The following TMIGD3 variants were observed in gnomAD, a reference collection of about 807,000 sequenced individuals.
TMIGD3 encodes transmembrane and immunoglobulin domain containing 3, also known as AD026 protein (AD026).
TMIGD3 carries 21 observed loss-of-function variants against 28.1 expected under a neutral mutation model. That is an observed-to-expected ratio of 0.75 (90% CI 0.53 to 1.08). TMIGD3 has a LOEUF of 1.08. Ranked by LOEUF, TMIGD3 falls within the 50% of genes least tolerant of loss-of-function variation. The pLI is 0.00. For missense variants in TMIGD3, 416 were observed against 435.6 expected (o/e 0.96, Z 0.40); for synonymous variants, 151 against 162.1 (o/e 0.93, Z 0.52).
Position 111,503,210 on chromosome 1 carries a change from A to C in TMIGD3, c.145T>G (p.Tyr49Asp), listed in dbSNP as rs374292361. 6.2e-7 allele frequency: 1 copy of C among 1,614,142 alleles called. No homozygotes were observed. The highest frequency in any genetic ancestry group is 8.5e-7 in the Non-Finnish European group (1 of 1,180,048). Residue 49 changes from tyrosine to aspartate, a missense_variant, in exon 1 of 6, where the codon TAT becomes GAT. Physicochemically the swap from Tyr to Asp is radical, Grantham distance 160 (BLOSUM62 -3). Coordinates refer to ENST00000369716, the MANE Select transcript of TMIGD3 (RefSeq NM_020683.7). ...GCCAGGGCTAGAGAGACAATGAAAT[A>C]GAAGGTGGTGGTCTGCAGGCTGGGG... ...LNPSLQTTTF[Y>D]FIVSLALADI...
intron 1 of TMIGD3, among the ~76,000 whole-genome samples, chr1:111,551,466 A>G (rs1306125558): frequency 2.6e-5 from 4 of 152,168 alleles, no homozygotes; most frequent in Admixed American, 6.5e-5. Context: ...ATTTATAACA[A>G]TGTAATTAGG....
intron 1 of TMIGD3, among the ~76,000 whole-genome samples, chr1:111,509,198 G>C (rs1214331485): frequency 6.6e-6 from 1 of 152,174 alleles, no homozygotes; most frequent in African/African-American, 2.4e-5. Flanking sequence ...GCCAGTAGGG[G>C]GTTGCAGTGG....
intron 1 of TMIGD3, among the ~76,000 whole-genome samples, chr1:111,511,000 T>G (rs1655670738): frequency 6.6e-6 from 1 of 152,192 alleles, no homozygotes; most frequent in Non-Finnish European, 1.5e-5. Context: ...AGGAAATGCT[T>G]CCTTAGGAAT....
chr1:111,549,585 G>A (rs1657176878), intron 1 of TMIGD3, among the ~76,000 whole-genome samples: 1 of 151,442 alleles, frequency 6.6e-6, no homozygotes, highest in Non-Finnish European at 1.5e-5. Flanking sequence ...AGGAGGCGGA[G>A]GTTGTGGTGA....
intron 3 of TMIGD3, 37 bp downstream of exon 3, chr1:111,488,640 G>A (rs775571307): frequency 6.4e-7 from 1 of 1,553,970 alleles, no homozygotes; most frequent in African/African-American, 1.4e-5. Flanking sequence ...CCATGGCTGT[G>A]GGTTACATCC....
At chr1:111,543,062 T>G (rs1211653207) in intron 1 of TMIGD3, among the ~76,000 whole-genome samples, 3 of 152,170 alleles carry the variant, frequency 2.0e-5, no homozygotes, top group Non-Finnish European at 4.4e-5. Context: ...ATTCTCCCAG[T>G]GGGTTATAAA....
At chr1:111,510,805 G>A (rs1273771024) in intron 1 of TMIGD3, among the ~76,000 whole-genome samples, 2 of 152,062 alleles carry the variant, frequency 1.3e-5, no homozygotes, top group Non-Finnish European at 2.9e-5. Context: ...TGTCATGCAG[G>A]GATACCTGTC....
rs144676120 is a variant in TMIGD3, at chr1:111,500,371, T to G, written c.350+2634A>C. On this transcript the variant is annotated intron_variant, in intron 1 of 5. Coordinates refer to ENST00000369716, the MANE Select transcript of TMIGD3 (RefSeq NM_020683.7). The stretch of plus-strand genomic sequence containing the variant: ...GAAAATCCAGGTGAGGAAGCTGAAG[T>G]ATACCATGTAGTCCATTCTCATGAC... 6.2e-6 allele frequency: 10 copies of G among 1,614,078 alleles called. No homozygotes were observed. In the Admixed American group the frequency reaches 8.3e-5, roughly 13 times the overall value.
intron 1 of TMIGD3, among the ~76,000 whole-genome samples, chr1:111,511,329 C>T (rs1482966860): frequency 2.6e-5 from 4 of 152,202 alleles, no homozygotes; most frequent in African/African-American, 9.6e-5. Context: ...ATACCTGCCA[C>T]AGAAGAAACC....
chr1:111,542,816 C>T (rs751329685), intron 1 of TMIGD3, among the ~76,000 whole-genome samples: 9 of 152,090 alleles, frequency 5.9e-5, no homozygotes, highest in Non-Finnish European at 1.2e-4. Flanking sequence ...CCTGCCTCAA[C>T]CTCTGGAATA....
Position 111,509,158 on chromosome 1 carries a change from G to T in TMIGD3, c.108-18396C>A, listed in dbSNP as rs2786994. On this transcript the variant is annotated intron_variant, in intron 1 of 5. Transcript: ENST00000369717. ...CCCAGCTCCTGGTCTCCTCGCTTAA[G>T]ATGAGAATGGGGAAGACCAGGAGGG... Among the ~76,000 whole-genome samples the T allele has an allele frequency of 1.5e-3, 234 of 152,204 alleles. 4 individuals carry two copies. In the East Asian group the frequency reaches 0.038, roughly 25 times the overall value.
At chr1:111,555,189 G>T (rs569988419) in intron 1 of TMIGD3, among the ~76,000 whole-genome samples, 1 of 151,394 alleles carries the variant, frequency 6.6e-6, no homozygotes, top group Admixed American at 6.6e-5. Flanking sequence ...AACGTGACAA[G>T]ACCCTGTCTC....
intron 1 of TMIGD3, among the ~76,000 whole-genome samples, chr1:111,541,939 C>T (rs1034108735): frequency 6.6e-6 from 1 of 152,154 alleles, no homozygotes; most frequent in Non-Finnish European, 1.5e-5. Flanking sequence ...GATCCACTGC[C>T]TTCAAAAGAA....
intron 1 of TMIGD3, among the ~76,000 whole-genome samples, chr1:111,516,981 C>T (rs958761254): frequency 4.6e-5 from 7 of 152,224 alleles, no homozygotes; most frequent in Non-Finnish European, 1.0e-4. Context: ...ACAGCAACTA[C>T]CTAGAACCTT....
intron 1 of TMIGD3, among the ~76,000 whole-genome samples, chr1:111,560,188 C>G (rs1657672835): frequency 6.6e-6 from 1 of 152,132 alleles, no homozygotes; most frequent in South Asian, 2.1e-4. Flanking sequence ...CATGAGATCA[C>G]AAGAGAAGAC....
intron 1 of TMIGD3, among the ~76,000 whole-genome samples, chr1:111,541,176 T>C (rs1320902387): frequency 6.6e-6 from 1 of 152,228 alleles, no homozygotes; most frequent in African/African-American, 2.4e-5. Context: ...CAAGCCAGAT[T>C]TGGCTCAGGA....
intron 1 of TMIGD3, among the ~76,000 whole-genome samples, chr1:111,494,487 A>G (rs1412567856): frequency 6.6e-6 from 1 of 152,240 alleles, no homozygotes; most frequent in African/African-American, 2.4e-5. Context: ...TAAAATACCT[A>G]GGAATACAGC....
intron 1 of TMIGD3, among the ~76,000 whole-genome samples, chr1:111,522,921 T>A (rs1435782985): frequency 1.3e-5 from 2 of 152,202 alleles, no homozygotes; most frequent in African/African-American, 2.4e-5. Context: ...CAGGCAATCA[T>A]TTCACCTGCA....
At chr1:111,511,907 A>T (rs1023722594) in intron 1 of TMIGD3, among the ~76,000 whole-genome samples, 7 of 152,140 alleles carry the variant, frequency 4.6e-5, no homozygotes, top group Admixed American at 4.6e-4. Flanking sequence ...TCTTGCCCCA[A>T]ATCACAGTGT....
Sources: allele counts gnomAD v4.1 joint callset (sites outside exome capture counted in the v4.1 genomes callset), GRCh38; gene constraint gnomAD v4.1.1; transcripts MANE v1.5; gene names NCBI Gene and HGNC (gene_info 2026-07-23, HGNC 2026-07-21).